Variants in NXN observed in about 807,000 individuals in gnomAD.
The protein encoded by NXN is nucleoredoxin 1.
NXN carries 16 observed loss-of-function variants against 48.6 expected under a neutral mutation model. The ratio of observed to expected loss-of-function variants is 0.33; its 90% confidence interval spans 0.22 to 0.50. The LOEUF (loss-of-function observed/expected upper bound fraction) is 0.50. NXN is among the 20% of genes least tolerant of loss of function. The pLI, the probability that NXN is intolerant of heterozygous loss-of-function variation, is 0.98. For synonymous variants in NXN, 281 were observed against 269.6 expected, an observed-to-expected ratio of 1.04 and a Z score of -0.41; for missense variants, 492 against 605.5, an observed-to-expected ratio of 0.81 and a Z score of 1.97.
chr17:949,789 A>T (rs2069089375), intron 1 of NXN, among the ~76,000 whole-genome samples: 1 of 151,202 alleles, frequency 6.6e-6, no homozygotes, highest in Non-Finnish European at 1.5e-5. Flanking sequence ...AGGGGCAGCC[A>T]CGTGAGGACC....
chr17:823,427 T>TAGATCAGTC (rs1437380698), intron 3 of NXN, among the ~76,000 whole-genome samples: 1 of 151,836 alleles, frequency 6.6e-6, no homozygotes, highest in Non-Finnish European at 1.5e-5. Flanking sequence ...GCTATCGTTA[T>TAGATCAGTC]AGATCAGTCA....
intron 1 of NXN, among the ~76,000 whole-genome samples, chr17:957,588 A>T (rs565305522): frequency 6.6e-6 from 1 of 151,312 alleles, no homozygotes; most frequent in Non-Finnish European, 1.5e-5. Context: ...GCCAAGATCA[A>T]GCCACTGCAC....
intron 1 of NXN, among the ~76,000 whole-genome samples, chr17:961,780 C>T (rs1445884135): frequency 3.3e-5 from 5 of 152,148 alleles, no homozygotes; most frequent in Non-Finnish European, 7.3e-5. Flanking sequence ...AAGCAACTTG[C>T]TTACATGAAC....
At chr17:936,141 T>C (rs12943748) in intron 1 of NXN, among the ~76,000 whole-genome samples, 39,764 of 147,120 alleles carry the variant, frequency 0.27, 5,829 homozygotes, top group South Asian at 0.36. Flanking sequence ...CTTCCATCGA[T>C]TGTCCTCCAA....
At position 960,781 on chromosome 17, in the gene NXN, T is replaced by C. The variant is rs1452070498; in HGVS notation, c.360+18538A>G. On this transcript the variant is annotated intron_variant, in intron 1 of 7. Transcript: ENST00000336868. ...GTGTGAGCCACCACGCCTGGCCAAT[T>C]AACTCGATTTTTTTTTTTTTTTGAG... Among the ~76,000 whole-genome samples the C allele has an allele frequency of 2.1e-5, 3 of 143,902 alleles. No individual in the cohort carries two copies. The East Asian group carries it at 6.0e-4, about 29-fold the overall frequency. The allele number at this position is 143,902 out of a possible 152,430, so 94.4% of individuals were successfully genotyped here.
At chr17:963,849 G>A (rs945145282) in intron 1 of NXN, among the ~76,000 whole-genome samples, 2 of 151,486 alleles carry the variant, frequency 1.3e-5, no homozygotes, top group Admixed American at 6.6e-5. Context: ...AGGCCGAGGA[G>A]GGCAGATCAC....
intron 1 of NXN, among the ~76,000 whole-genome samples, chr17:831,975 T>C (rs1048091896): frequency 1.6e-5 from 2 of 127,540 alleles, no homozygotes; most frequent in Admixed American, 7.6e-5. Flanking sequence ...TCTTATGTTC[T>C]GTGGGGCTTG....
In NXN at chr17:979,725, G is replaced by A. The variant is rs762098354; in HGVS notation, c.-47C>T. ...CAGGCGGCTGCGACCCCGCTCCACG[G>A]TCCGCGCGGCGGGAGGAGGCGGCGG... On this transcript the variant is annotated 5_prime_UTR_variant, in exon 1 of 8. Transcript: ENST00000336868. 2.3e-6 allele frequency: 3 copies of A among 1,284,134 alleles called. No individual in the cohort carries two copies. In the East Asian group the frequency reaches 9.8e-5, roughly 42 times the overall value. 79.5% of individuals were successfully genotyped at this position (1,284,134 alleles called of 1,614,324 possible). A position where few individuals can be genotyped will look rare whatever the true frequency, so the allele number is the denominator to read the frequency against.
At chr17:896,920 T>A in intron 1 of NXN, 1 of 1,208,784 alleles carries the variant, frequency 8.3e-7, no homozygotes, top group Non-Finnish European at 1.1e-6. Context: ...ACACACAATA[T>A]TCTTCTTTTT....
chr17:817,801 C>A (rs912036588), intron 5 of NXN, among the ~76,000 whole-genome samples: 7 of 152,016 alleles, frequency 4.6e-5, no homozygotes, highest in African/African-American at 1.7e-4. Flanking sequence ...TTAGCTGTAT[C>A]TGTTTACAGC....
chr17:884,392 G>A (rs1476233448), intron 1 of NXN, among the ~76,000 whole-genome samples: 3 of 151,398 alleles, frequency 2.0e-5, no homozygotes, highest in African/African-American at 4.9e-5. Context: ...GTGACAGGGC[G>A]AGACCCTGTC....
chr17:869,216 G>A (rs2068126011), intron 1 of NXN, among the ~76,000 whole-genome samples: 1 of 152,050 alleles, frequency 6.6e-6, no homozygotes, highest in Non-Finnish European at 1.5e-5. Context: ...CTCTGTAAAG[G>A]GCAGGCAGCC....
chr17:946,158 T>C (rs62067249), intron 1 of NXN, among the ~76,000 whole-genome samples: 3 of 151,408 alleles, frequency 2.0e-5, no homozygotes, highest in Non-Finnish European at 4.4e-5. Context: ...TTTTTTGAGA[T>C]GGAGTCTCGC....
intron 1 of NXN, among the ~76,000 whole-genome samples, chr17:955,912 A>G (rs907546409): frequency 4.0e-5 from 6 of 151,322 alleles, no homozygotes; most frequent in South Asian, 2.1e-4. Context: ...AAAAAAAAAA[A>G]AGAGAGAGAG....
At chr17:891,779 GAA>G (rs2068421392) in intron 1 of NXN, among the ~76,000 whole-genome samples, 8 of 75,096 alleles carry the variant, frequency 1.1e-4, no homozygotes, top group African/African-American at 2.2e-4. Context: ...CCACCATGCA[GAA>G]CCCAACAGGG....
At chr17:831,296 A>G (rs1913453613) in intron 1 of NXN, among the ~76,000 whole-genome samples, 1 of 151,936 alleles carries the variant, frequency 6.6e-6, no homozygotes, top group Non-Finnish European at 1.5e-5. Flanking sequence ...CCAGTTCTCC[A>G]TTAAAAAAAA....
At chr17:816,333 TC>T (rs1386446930) in intron 5 of NXN, among the ~76,000 whole-genome samples, 1 of 121,184 alleles carries the variant, frequency 8.3e-6, no homozygotes, top group African/African-American at 3.7e-5. Context: ...CCCCAGACCT[TC>T]ACTGTCCCTG....
chr17:805,633 T>TG (rs1911451798), intron 5 of NXN, among the ~76,000 whole-genome samples: 1 of 151,760 alleles, frequency 6.6e-6, no homozygotes, highest in East Asian at 2.0e-4. Flanking sequence ...GGTCAGGAGT[T>TG]GGAGACCAGC....
chr17:914,128 A>T (rs534097728), intron 1 of NXN, among the ~76,000 whole-genome samples: 86 of 151,636 alleles, frequency 5.7e-4, no homozygotes, highest in Non-Finnish European at 5.6e-4. Context: ...TCGAACTCCC[A>T]ACCTCAAGTG....
Sources: allele counts gnomAD v4.1 joint callset (sites outside exome capture counted in the v4.1 genomes callset), GRCh38; gene constraint gnomAD v4.1.1; transcripts MANE v1.5; gene names NCBI Gene and HGNC (gene_info 2026-07-23, HGNC 2026-07-21).